Variants in TTC7A observed in about 807,000 individuals in gnomAD.
TTC7A encodes the protein tetratricopeptide repeat protein 7A.
TTC7A carries 110 observed loss-of-function variants against 103.7 expected under a neutral mutation model. The ratio of observed to expected loss-of-function variants is 1.06; its 90% CI spans 0.91 to 1.24. The LOEUF is 1.24. Ranked by LOEUF, TTC7A falls within the 50% of genes most tolerant of loss-of-function variation. The pLI is 0.00. For synonymous variants in TTC7A, 521 were observed against 467.9 expected, an observed-to-expected ratio of 1.11 and a Z score of -1.47; for missense variants, 1,340 against 1,116.3, an observed-to-expected ratio of 1.20 and a Z score of -2.86.
chr2:47,001,146 C>A (rs1395709198), intron 8 of TTC7A, among the ~76,000 whole-genome samples: 1 of 152,134 alleles, frequency 6.6e-6, no homozygotes, highest in Admixed American at 6.5e-5. Context: ...TGTGAGATGC[C>A]GTACAGAACA....
intron 11 of TTC7A, among the ~76,000 whole-genome samples, chr2:47,013,318 G>A (rs559241427): frequency 6.6e-6 from 1 of 152,306 alleles, no homozygotes; most frequent in South Asian, 2.1e-4. Context: ...GAGGTAGGGC[G>A]ACCTTGTGAG....
At chr2:46,949,057 G>T (rs1342519056) in intron 1 of TTC7A, among the ~76,000 whole-genome samples, 1 of 152,122 alleles carries the variant, frequency 6.6e-6, no homozygotes, top group East Asian at 1.9e-4. Flanking sequence ...GCTGGGAGGG[G>T]CAATGAGCAC....
At chr2:47,033,632 C>A (rs778876176) in intron 15 of TTC7A, among the ~76,000 whole-genome samples, 5 of 152,226 alleles carry the variant, frequency 3.3e-5, no homozygotes, top group Non-Finnish European at 5.9e-5. Context: ...CTCCTCTTCC[C>A]CTTGCCTGTT....
Position 46,932,715 on chromosome 2 carries a change from A to G in TTC7A, c.82+15438A>G, listed in dbSNP as rs114794929. On this transcript the variant is annotated intron_variant, in intron 2 of 20. Coordinates refer to the TTC7A transcript ENST00000409245. ...TAGGAGTTCGAGACCAGTTTGGCCA[A>G]CAAGGTGAAACCCCATCTCTGCTAA... is the stretch of plus-strand genomic sequence containing the variant. Among the ~76,000 whole-genome samples the G allele has an allele frequency of 4.9e-3, 747 of 151,988 alleles. 6 individuals are homozygous for G. The highest frequency in any genetic ancestry group is 0.017 in the African/African-American group (715 of 41,454).
At chr2:46,930,662 G>A (rs1464208420) in intron 2 of TTC7A, among the ~76,000 whole-genome samples, 1 of 152,060 alleles carries the variant, frequency 6.6e-6, no homozygotes, top group East Asian at 1.9e-4. Context: ...ACCACGTGCA[G>A]CTAATTTTTG....
At chr2:46,968,105 G>A (rs909693353) in intron 3 of TTC7A, among the ~76,000 whole-genome samples, 11 of 152,344 alleles carry the variant, frequency 7.2e-5, no homozygotes, top group African/African-American at 2.2e-4. Flanking sequence ...TTGGAAGGGC[G>A]GCTGCCTTGG....
chr2:46,959,100 G>C (rs1309546924), intron 3 of TTC7A, among the ~76,000 whole-genome samples: 2 of 152,228 alleles, frequency 1.3e-5, no homozygotes, highest in African/African-American at 2.4e-5. Flanking sequence ...TTTGAACCCA[G>C]GCAGCTGGAG....
chr2:46,918,071 G>A (rs1440553848), intron 2 of TTC7A, among the ~76,000 whole-genome samples: 1 of 152,150 alleles, frequency 6.6e-6, no homozygotes, highest in Non-Finnish European at 1.5e-5. Flanking sequence ...TGACCTCTCT[G>A]TGTAATTCCT....
At chr2:46,956,763 G>A (rs1261158779) in intron 2 of TTC7A, 76 bp from the exon 3 acceptor site, 8 of 1,546,564 alleles carry the variant, frequency 5.2e-6, no homozygotes, top group Non-Finnish European at 7.1e-6. Context: ...AGGCAAACAA[G>A]GTCCAGGTTC....
At chr2:46,969,647 G>A (rs886938407) in intron 3 of TTC7A, among the ~76,000 whole-genome samples, 26 of 152,140 alleles carry the variant, frequency 1.7e-4, no homozygotes, top group African/African-American at 5.8e-4. Flanking sequence ...ATCTGACCTC[G>A]TGATCCGTCC....
At chr2:46,952,768 T>C (rs897902685) in intron 2 of TTC7A, among the ~76,000 whole-genome samples, 28 of 152,122 alleles carry the variant, frequency 1.8e-4, no homozygotes, top group Non-Finnish European at 5.9e-5. Flanking sequence ...ACAAAAAAAG[T>C]TCTTGTTTTC....
intron 14 of TTC7A, 124 bp from the exon 15 acceptor site, chr2:47,029,100 C>A: frequency 8.7e-7 from 1 of 1,149,684 alleles, no homozygotes; most frequent in Non-Finnish European, 1.2e-6. Flanking sequence ...AGCAGCCTCC[C>A]TGCCCCCAGT....
chr2:47,014,161 G>T (rs917768292), intron 11 of TTC7A, among the ~76,000 whole-genome samples: 1 of 152,130 alleles, frequency 6.6e-6, no homozygotes, highest in Non-Finnish European at 1.5e-5. Context: ...TGTCTTATGT[G>T]GTGCATGACT....
intron 8 of TTC7A, among the ~76,000 whole-genome samples, chr2:47,001,295 A>G (rs540042672): frequency 1.3e-5 from 2 of 152,298 alleles, no homozygotes; most frequent in South Asian, 4.1e-4. Flanking sequence ...GATCAGGACT[A>G]GTCTTGTATC....
chr2:47,003,466 AG>A lies in TTC7A; in HGVS notation c.1066-2452del, dbSNP rs374106877. On this transcript the variant is annotated intron_variant, in intron 8 of 19. Coordinates refer to ENST00000319190, the MANE Select transcript of TTC7A (RefSeq NM_020458.4). ...GCCATGGTGACTGTAGGGACCAGCAAGGGGTTCCATGTCACTGGAGAGAAGC... is the reference window on the plus strand; with the variant it reads ...GCCATGGTGACTGTAGGGACCAGCAAGGGTTCCATGTCACTGGAGAGAAGC... Among the ~76,000 whole-genome samples, 80 of 152,304 alleles carry A rather than the reference AG, an allele frequency of 5.3e-4. 1 individual carries two copies. The highest frequency in any genetic ancestry group is 1.8e-3 in the African/African-American group (74 of 41,566).
intron 15 of TTC7A, among the ~76,000 whole-genome samples, chr2:47,030,764 T>C (rs769511234): frequency 9.9e-5 from 15 of 152,154 alleles, no homozygotes; most frequent in Non-Finnish European, 4.4e-5. Flanking sequence ...CAGCCAGGTG[T>C]AAGCAGAGTG....
intron 3 of TTC7A, among the ~76,000 whole-genome samples, chr2:46,972,920 G>A (rs960326887): frequency 6.6e-6 from 1 of 152,192 alleles, no homozygotes; most frequent in African/African-American, 2.4e-5. Context: ...AAAGTGGTGA[G>A]CACCAGGAGG....
In TTC7A at chr2:47,029,365, GAGCA is replaced by G. The variant is rs1300446486; in HGVS notation, c.1784_1787del (p.Glu595AlafsTer7). 10 of 1,613,714 alleles carry G rather than the reference GAGCA, an allele frequency of 6.2e-6. No individual in the cohort carries two copies. In the African/African-American group the frequency reaches 1.2e-4, roughly 19 times the overall value. ...GGATGTTGTCAACATGGCCATCACC[GAGCA>G]CCCTGAGAACTTCAAGTGAGTGCCC... On this transcript the variant is annotated frameshift_variant, in exon 15 of 20. Transcript: ENST00000319190. LOFTEE classifies it high-confidence loss of function.
intron 1 of TTC7A, among the ~76,000 whole-genome samples, chr2:46,947,726 A>G (rs1200870873): frequency 1.3e-5 from 2 of 152,148 alleles, no homozygotes; most frequent in African/African-American, 4.8e-5. Context: ...ATAAATTCCC[A>G]ATCTGTTATG....
Sources: gnomAD v4.1 joint callset for allele counts (sites outside exome capture counted in the v4.1 genomes callset) on GRCh38, gnomAD v4.1.1 for gene constraint, MANE v1.5 for transcripts, NCBI Gene and HGNC (gene_info 2026-07-23, HGNC 2026-07-21) for gene names.